Variants in ADGRL3 observed in about 807,000 individuals in gnomAD.
The protein encoded by ADGRL3 is adhesion G protein-coupled receptor L3, also known as calcium-independent alpha-latrotoxin receptor 3.
In ADGRL3, 62 loss-of-function variants were observed where a neutral mutation model predicts 153.5. That is an observed-to-expected ratio of 0.40 (90% CI 0.33 to 0.50). The LOEUF is 0.50. Among genes scored for constraint, ADGRL3 ranks in the 20% least tolerant of loss-of-function variants. The pLI is 0.47. For missense variants in ADGRL3, 1,641 were observed against 1,859.4 expected, an observed-to-expected ratio of 0.88 and a Z score of 2.16; for synonymous variants, 710 against 672.5, an observed-to-expected ratio of 1.06 and a Z score of -0.86.
intron 19 of ADGRL3, among the ~76,000 whole-genome samples, chr4:61,994,389 C>T (rs1451357416): frequency 6.6e-6 from 1 of 151,958 alleles, no homozygotes; most frequent in Non-Finnish European, 1.5e-5. Context: ...TAGGCTCAAG[C>T]GATCCTCCTG....
chr4:61,669,593 G>C (rs1309604682), intron 5 of ADGRL3, among the ~76,000 whole-genome samples: 1 of 152,044 alleles, frequency 6.6e-6, no homozygotes, highest in African/African-American at 2.4e-5. Context: ...TTTTCTCTTG[G>C]AGAATAATTC....
chr4:61,469,398 A>G (rs2152672520), intron 2 of ADGRL3, among the ~76,000 whole-genome samples: 1 of 152,220 alleles, frequency 6.6e-6, no homozygotes, highest in East Asian at 1.9e-4. Flanking sequence ...AGTATTCAGT[A>G]CCGGGAAGCC....
chr4:61,383,715 TAAGC>T (rs977386581), intron 2 of ADGRL3, among the ~76,000 whole-genome samples: 27 of 151,930 alleles, frequency 1.8e-4, no homozygotes, highest in African/African-American at 5.5e-4. Flanking sequence ...TGTTTAATAT[TAAGC>T]AAATTACTTT....
At chr4:61,496,552 G>T (rs1343801663) in intron 2 of ADGRL3, among the ~76,000 whole-genome samples, 1 of 152,114 alleles carries the variant, frequency 6.6e-6, no homozygotes, top group Non-Finnish European at 1.5e-5. Context: ...TGAGGCAGGA[G>T]AATCGCGTGA....
At chr4:61,872,909 C>A (rs1336881616) in intron 9 of ADGRL3, among the ~76,000 whole-genome samples, 5 of 152,086 alleles carry the variant, frequency 3.3e-5, no homozygotes, top group African/African-American at 1.2e-4. Context: ...AAGGGAAAAA[C>A]CTATTTATCG....
chr4:61,576,022 C>T (rs1376724640), intron 4 of ADGRL3, among the ~76,000 whole-genome samples: 11 of 151,866 alleles, frequency 7.2e-5, no homozygotes. Flanking sequence ...AACATATAAT[C>T]CTTGGTAAAG....
chr4:61,263,456 A>C (rs1017507064), intron 1 of ADGRL3, among the ~76,000 whole-genome samples: 1 of 139,864 alleles, frequency 7.1e-6, no homozygotes, highest in Non-Finnish European at 1.6e-5. Context: ...CATAGAGTGC[A>C]TTTGAAAAAA....
intron 8 of ADGRL3, among the ~76,000 whole-genome samples, chr4:61,802,573 T>C (rs753181791): frequency 1.4e-4 from 22 of 152,070 alleles, no homozygotes; most frequent in East Asian, 1.9e-4. Context: ...TGCTCATCGG[T>C]CATCAGGGAA....
intron 8 of ADGRL3, among the ~76,000 whole-genome samples, chr4:61,762,687 T>C (rs2096927157): frequency 6.6e-6 from 1 of 152,112 alleles, no homozygotes; most frequent in Non-Finnish European, 1.5e-5. Flanking sequence ...ATCTGATAAA[T>C]ACAACATGAA....
intron 1 of ADGRL3, among the ~76,000 whole-genome samples, chr4:61,366,547 T>G (rs558921717): frequency 6.6e-6 from 1 of 152,348 alleles, no homozygotes; most frequent in South Asian, 2.1e-4. Context: ...AGTATATAGC[T>G]CATGCTTTTA....
chr4:61,552,709 T>A (rs2098745835), intron 4 of ADGRL3, among the ~76,000 whole-genome samples: 1 of 152,132 alleles, frequency 6.6e-6, no homozygotes, highest in African/African-American at 2.4e-5. Flanking sequence ...GCTCAAGTGA[T>A]CCTCTTGTCT....
At chr4:61,570,694 A>T (rs903186092) in intron 4 of ADGRL3, among the ~76,000 whole-genome samples, 1 of 151,976 alleles carries the variant, frequency 6.6e-6, no homozygotes, top group African/African-American at 2.4e-5. Flanking sequence ...AGTAGAGGGA[A>T]TTTTTTTTCC....
intron 8 of ADGRL3, among the ~76,000 whole-genome samples, chr4:61,779,925 C>G (rs2152373456): frequency 6.6e-6 from 1 of 152,250 alleles, no homozygotes; most frequent in African/African-American, 2.4e-5. Flanking sequence ...TCCCACATCC[C>G]ATCAAATCAG....
At chr4:61,914,705 A>G (rs1347563284) in intron 13 of ADGRL3, among the ~76,000 whole-genome samples, 1 of 152,094 alleles carries the variant, frequency 6.6e-6, no homozygotes, top group Non-Finnish European at 1.5e-5. Flanking sequence ...ACATTCCACT[A>G]TCCTTCTGGG....
At chr4:61,875,096 C>T (rs958940758) in intron 9 of ADGRL3, among the ~76,000 whole-genome samples, 1 of 151,700 alleles carries the variant, frequency 6.6e-6, no homozygotes, top group African/African-American at 2.4e-5. Context: ...GCGTGAGCCA[C>T]CGCGCCCGGC....
At chr4:61,599,466 G>C (rs953882506) in intron 5 of ADGRL3, among the ~76,000 whole-genome samples, 2 of 152,186 alleles carry the variant, frequency 1.3e-5, no homozygotes, top group African/African-American at 4.8e-5. Context: ...CTGAGTAGCT[G>C]GGATTACAGG....
At chr4:61,780,925 A>T (rs2097205933) in intron 8 of ADGRL3, among the ~76,000 whole-genome samples, 1 of 152,244 alleles carries the variant, frequency 6.6e-6, no homozygotes, top group Non-Finnish European at 1.5e-5. Flanking sequence ...CTAAGACTAT[A>T]AAATGTAAAA....
At chr4:61,321,499 G>C (rs1243083970) in intron 1 of ADGRL3, among the ~76,000 whole-genome samples, 1 of 151,548 alleles carries the variant, frequency 6.6e-6, no homozygotes, top group Non-Finnish European at 1.5e-5. Context: ...CTTAATTATA[G>C]GGTTGGGGAT....
intron 1 of ADGRL3, among the ~76,000 whole-genome samples, chr4:61,310,292 T>C (rs1375423941): frequency 6.6e-6 from 1 of 151,994 alleles, no homozygotes. Flanking sequence ...ATTTATTAAA[T>C]AGCCATGTTT....
Sources: allele counts gnomAD v4.1 joint callset (sites outside exome capture counted in the v4.1 genomes callset), GRCh38; gene constraint gnomAD v4.1.1; transcripts MANE v1.5; gene names NCBI Gene and HGNC (gene_info 2026-07-23, HGNC 2026-07-21).